CNTNAP5: variants seen among roughly 807,000 people sequenced by gnomAD.
CNTNAP5 encodes contactin-associated protein-like 5.
A neutral mutation model predicts 150.2 loss-of-function variants in CNTNAP5; 72 were observed. The observed-to-expected ratio is 0.48, with a 90% CI of 0.40 to 0.58. CNTNAP5 has a LOEUF of 0.58. Ranked by LOEUF, CNTNAP5 falls within the 20% of genes least tolerant of loss-of-function variation. The pLI is 0.00. For missense variants in CNTNAP5, 1,636 were observed against 1,626.2 expected, an observed-to-expected ratio of 1.01 and a Z score of -0.10; for synonymous variants, 672 against 619.8, an observed-to-expected ratio of 1.08 and a Z score of -1.25.
At chr2:124,661,906 GC>G (rs1459296870) in intron 13 of CNTNAP5, among the ~76,000 whole-genome samples, 1 of 151,858 alleles carries the variant, frequency 6.6e-6, no homozygotes, top group Non-Finnish European at 1.5e-5. Flanking sequence ...GGTTACATGT[GC>G]AGAACATGCA....
intron 3 of CNTNAP5, among the ~76,000 whole-genome samples, chr2:124,312,418 G>A (rs530318123): frequency 6.6e-6 from 1 of 152,008 alleles, no homozygotes; most frequent in East Asian, 1.9e-4. Context: ...GCGTGATCTC[G>A]GCTCACTGCA....
intron 13 of CNTNAP5, among the ~76,000 whole-genome samples, chr2:124,660,024 G>GAGGAAGGA (rs746322470): frequency 1.8e-4 from 24 of 134,022 alleles, no homozygotes; most frequent in African/African-American, 4.7e-4. Flanking sequence ...AGGAAGAAAG[G>GAGGAAGGA]AGGAAGGAAG....
intron 14 of CNTNAP5, among the ~76,000 whole-genome samples, chr2:124,755,069 A>G (rs1680810818): frequency 6.7e-6 from 1 of 150,090 alleles, no homozygotes; most frequent in South Asian, 2.1e-4. Context: ...GCATTAAAGC[A>G]GGTTTTTTTT....
chr2:124,673,400 C>T (rs1330517584), intron 13 of CNTNAP5, among the ~76,000 whole-genome samples: 1 of 151,702 alleles, frequency 6.6e-6, no homozygotes, highest in African/African-American at 2.4e-5. Flanking sequence ...GCGGTAGTAA[C>T]ACCATGTCAT....
intron 12 of CNTNAP5, among the ~76,000 whole-genome samples, chr2:124,627,122 C>T (rs1386541805): frequency 6.6e-6 from 1 of 152,176 alleles, no homozygotes; most frequent in Non-Finnish European, 1.5e-5. Context: ...GGGAAGCCGT[C>T]ATCTCAGGTT....
At chr2:124,768,106 T>C (rs1681104888) in intron 16 of CNTNAP5, among the ~76,000 whole-genome samples, 1 of 152,148 alleles carries the variant, frequency 6.6e-6, no homozygotes, top group African/African-American at 2.4e-5. Context: ...TCTCCCAAAG[T>C]GAACTCAGTA....
chr2:124,242,110 AC>A, intron 2 of CNTNAP5, 89 bp from the exon 3 acceptor site: 1 of 1,053,118 alleles, frequency 9.5e-7, no homozygotes, highest in East Asian at 2.6e-5. Flanking sequence ...TCTTAGTTGA[AC>A]ACTGTTTCAT....
chr2:124,576,203 A>T (rs1254942337), intron 11 of CNTNAP5, among the ~76,000 whole-genome samples: 1 of 152,080 alleles, frequency 6.6e-6, no homozygotes, highest in Non-Finnish European at 1.5e-5. Context: ...AAAGGAGATA[A>T]AATTTTCCAT....
At chr2:124,316,448 T>A (rs1688961176) in intron 3 of CNTNAP5, among the ~76,000 whole-genome samples, 1 of 152,152 alleles carries the variant, frequency 6.6e-6, no homozygotes, top group Non-Finnish European at 1.5e-5. Context: ...CACTGAAGCA[T>A]GTTATGTATT....
chr2:124,055,827 A>T (rs908803832), intron 1 of CNTNAP5, among the ~76,000 whole-genome samples: 1 of 152,202 alleles, frequency 6.6e-6, no homozygotes, highest in African/African-American at 2.4e-5. Flanking sequence ...TCAAGAAGAC[A>T]GAAGCCATTT....
chr2:124,208,226 T>C (rs1685913534), intron 1 of CNTNAP5, among the ~76,000 whole-genome samples: 1 of 152,160 alleles, frequency 6.6e-6, no homozygotes. Flanking sequence ...GAAGGAATGA[T>C]TGTCTATTGG....
At chr2:124,101,595 C>A (rs987390933) in intron 1 of CNTNAP5, among the ~76,000 whole-genome samples, 2 of 152,150 alleles carry the variant, frequency 1.3e-5, no homozygotes, top group Non-Finnish European at 2.9e-5. Flanking sequence ...CATGACTTGG[C>A]CCAGAGGTAG....
intron 1 of CNTNAP5, among the ~76,000 whole-genome samples, chr2:124,170,947 C>A (rs902322465): frequency 6.6e-6 from 1 of 152,176 alleles, no homozygotes; most frequent in African/African-American, 2.4e-5. Context: ...ACCCAACAGG[C>A]TCTTGTGGCT....
At chr2:124,326,716 C>T (rs13402327) in intron 3 of CNTNAP5, among the ~76,000 whole-genome samples, 1 of 151,784 alleles carries the variant, frequency 6.6e-6, no homozygotes, top group African/African-American at 2.4e-5. Context: ...CTTGAGCCCA[C>T]GTGTTCAAGA....
chr2:124,459,145 T>C (rs971002319), intron 6 of CNTNAP5, among the ~76,000 whole-genome samples: 1 of 152,140 alleles, frequency 6.6e-6, no homozygotes, highest in Non-Finnish European at 1.5e-5. Flanking sequence ...CAAAAAGGGA[T>C]TTGATTAAAA....
At chr2:124,356,332 G>A (rs1485062861) in intron 3 of CNTNAP5, among the ~76,000 whole-genome samples, 1 of 146,352 alleles carries the variant, frequency 6.8e-6, no homozygotes, top group African/African-American at 2.5e-5. Context: ...TATACTTTAG[G>A]TTTTAGGGTA....
chr2:124,448,299 T>TAAC (rs1449847402), intron 6 of CNTNAP5, among the ~76,000 whole-genome samples: 1 of 150,434 alleles, frequency 6.6e-6, no homozygotes, highest in Non-Finnish European at 1.5e-5. Flanking sequence ...ATAATAATAA[T>TAAC]AAAGTTATGT....
chr2:124,847,289 C>T (rs1683069322), intron 19 of CNTNAP5, among the ~76,000 whole-genome samples: 1 of 152,134 alleles, frequency 6.6e-6, no homozygotes, highest in Non-Finnish European at 1.5e-5. Context: ...CTTGCTGCAG[C>T]TGCTGTGGAG....
chr2:124,469,637 CAT>C (rs1166571309), intron 6 of CNTNAP5, among the ~76,000 whole-genome samples: 5 of 151,792 alleles, frequency 3.3e-5, no homozygotes, highest in East Asian at 3.9e-4. Flanking sequence ...CATAGGTAAA[CAT>C]GTGTCATAGT....
Sources: allele counts gnomAD v4.1 joint callset (sites outside exome capture counted in the v4.1 genomes callset), GRCh38; gene constraint gnomAD v4.1.1; transcripts MANE v1.5; gene names NCBI Gene and HGNC (gene_info 2026-07-23, HGNC 2026-07-21).